Variants in RPS6KA5 observed in about 807,000 individuals in gnomAD.
RPS6KA5 encodes ribosomal protein S6 kinase alpha-5.
Under a neutral mutation model 85.5 loss-of-function variants are expected in RPS6KA5, and 27 were observed. That is an observed-to-expected ratio of 0.32 (90% confidence interval 0.23 to 0.44). The LOEUF is 0.44. RPS6KA5 is among the 20% of genes least tolerant of loss of function. The probability of loss-of-function intolerance (pLI) is 1.00; values close to 1 mark genes in which losing one functional copy is unlikely to be tolerated. For missense variants in RPS6KA5, 811 were observed against 980.9 expected (o/e 0.83, Z 2.31); for synonymous variants, 334 against 348.2 (o/e 0.96, Z 0.46).
intron 7 of RPS6KA5, 145 bp downstream of exon 7, chr14:90,920,061 T>C (rs926074123): frequency 7.3e-6 from 5 of 688,278 alleles, no homozygotes; most frequent in South Asian, 6.3e-5. Flanking sequence ...CTATATGCCA[T>C]ATGATAGAAA....
chr14:90,954,188 T>A (rs1438613961), intron 3 of RPS6KA5, among the ~76,000 whole-genome samples: 2 of 152,230 alleles, frequency 1.3e-5, no homozygotes, highest in African/African-American at 4.8e-5. Context: ...AGAGCCTACA[T>A]TGAAATATTG....
At chr14:90,947,334 C>G (rs2037924172) in intron 4 of RPS6KA5, 101 bp downstream of exon 4, 2 of 681,254 alleles carry the variant, frequency 2.9e-6, no homozygotes, top group Non-Finnish European at 5.2e-6. Context: ...TTCATAATCT[C>G]CACTAAGACA....
At chr14:91,019,779 A>G (rs986249568) in intron 1 of RPS6KA5, among the ~76,000 whole-genome samples, 9 of 152,240 alleles carry the variant, frequency 5.9e-5, no homozygotes, top group Non-Finnish European at 1.2e-4. Context: ...TCAACTTATA[A>G]TGGTGTTATC....
chr14:90,875,092 T>C, intron 15 of RPS6KA5, 109 bp downstream of exon 15: 3 of 1,081,652 alleles, frequency 2.8e-6, no homozygotes, highest in East Asian at 2.4e-5. Context: ...CCTTTTAGAA[T>C]ACACATGGAT....
chr14:90,948,121 C>T (rs571099406), intron 3 of RPS6KA5, among the ~76,000 whole-genome samples: 1 of 152,154 alleles, frequency 6.6e-6, no homozygotes, highest in Non-Finnish European at 1.5e-5. Context: ...TTACCATTTC[C>T]CTGTCAATTT....
intron 7 of RPS6KA5, among the ~76,000 whole-genome samples, chr14:90,913,248 C>T (rs2035930436): frequency 6.6e-6 from 1 of 152,052 alleles, no homozygotes; most frequent in Non-Finnish European, 1.5e-5. Context: ...CTGCCCAGTA[C>T]ACTAACCAGG....
rs2140133360 is a variant in RPS6KA5 at position 90,871,875 on chromosome 14, T to C, written c.*199A>G. On this transcript the variant is annotated 3_prime_UTR_variant, in exon 17 of 17. Transcript: ENST00000614987. ...CATGCTAGGTTGCTAAAAAGAGTAA[T>C]ATGTGCTCTATTCACAGTAACATTC... 1.7e-6 allele frequency: 1 copy of C among 586,318 alleles called. No homozygotes were observed. Among genetic ancestry groups the C allele is most frequent in the East Asian group, 3.0e-5 (1 of 33,594 alleles). The allele number at this position is 586,318 out of a possible 1,614,324, so 36.3% of individuals were successfully genotyped here.
chr14:90,875,907 TG>T (rs1482847916), intron 14 of RPS6KA5, among the ~76,000 whole-genome samples: 2 of 29,728 alleles, frequency 6.7e-5, no homozygotes, highest in Non-Finnish European at 1.3e-4. Context: ...TGTTGTGGGG[TG>T]GGGGGAGGGG....
chr14:90,973,812 G>A (rs995937486), intron 3 of RPS6KA5, among the ~76,000 whole-genome samples: 4 of 151,952 alleles, frequency 2.6e-5, no homozygotes, highest in African/African-American at 7.3e-5. Flanking sequence ...CAAGGCGTGC[G>A]GATCACCTGA....
At chr14:90,899,257 A>G in intron 12 of RPS6KA5, 72 bp downstream of exon 12, 1 of 1,081,054 alleles carries the variant, frequency 9.3e-7, no homozygotes. Context: ...AGCACCAACA[A>G]AACGCGTGAA....
intron 14 of RPS6KA5, among the ~76,000 whole-genome samples, chr14:90,875,739 C>A (rs1354262127): frequency 1.3e-5 from 2 of 151,688 alleles, no homozygotes; most frequent in Non-Finnish European, 2.9e-5. Flanking sequence ...ATGATGAGTT[C>A]ATGTCCTTTG....
chr14:90,904,972 G>C (rs1008214588), intron 8 of RPS6KA5, among the ~76,000 whole-genome samples: 3 of 152,144 alleles, frequency 2.0e-5, no homozygotes, highest in Non-Finnish European at 4.4e-5. Context: ...TAACTTTTGA[G>C]ATAAACTTCT....
intron 3 of RPS6KA5, among the ~76,000 whole-genome samples, chr14:90,950,074 G>T (rs1441248431): frequency 6.6e-6 from 1 of 152,184 alleles, no homozygotes; most frequent in Non-Finnish European, 1.5e-5. Context: ...GAACATGGGG[G>T]ATGGCTTTCC....
intron 5 of RPS6KA5, among the ~76,000 whole-genome samples, chr14:90,927,923 C>CTTTTCT (rs1555363686): frequency 7.4e-6 from 1 of 135,840 alleles, no homozygotes; most frequent in Non-Finnish European, 1.5e-5. Flanking sequence ...TTTTCTCTTT[C>CTTTTCT]TTTCTTTTCT....
intron 5 of RPS6KA5, among the ~76,000 whole-genome samples, chr14:90,937,999 T>C (rs1206711852): frequency 2.0e-5 from 3 of 152,162 alleles, no homozygotes; most frequent in African/African-American, 7.2e-5. Flanking sequence ...CAAAAGTCCA[T>C]ATTCCAAAGT....
rs200357482 is a variant in RPS6KA5, at chr14:90,906,231, C to T, written c.875G>A (p.Arg292His). The T allele has an allele frequency of 3.7e-5, 59 of 1,612,616 alleles. No homozygotes were observed. Among genetic ancestry groups the T allele is most frequent in the East Asian group, 1.8e-4 (8 of 44,868 alleles). ...MSALAKDLIQ[R>H]LLMKDPKKRL... ...CTTCTTGGGATCTTTCATCAAAAGA[C>T]GCTGAATTAGGTCTTTCGCTAAAGC... Residue 292 changes from arginine (R) to histidine (H), a missense_variant, in exon 8 of 17, where the codon CGT becomes CAT. Transcript: ENST00000614987.
intron 1 of RPS6KA5, among the ~76,000 whole-genome samples, chr14:91,014,010 C>T (rs2041373313): frequency 6.6e-6 from 1 of 152,160 alleles, no homozygotes; most frequent in African/African-American, 2.4e-5. Context: ...CAATGATAAT[C>T]CTGGTGACCA....
chr14:90,973,392 G>A (rs945143141), intron 3 of RPS6KA5, among the ~76,000 whole-genome samples: 7 of 151,716 alleles, frequency 4.6e-5, no homozygotes, highest in East Asian at 3.9e-4. Context: ...GCAGTGAGCC[G>A]AGATCAACAT....
chr14:90,854,857 A>G lies in RPS6KA5; in HGVS notation c.*17217T>C, dbSNP rs775581876. On this transcript the variant is annotated 3_prime_UTR_variant, in exon 17 of 17. Transcript: ENST00000614987. ...AGTTACTTCAAAAAATACCTTCAAA[A>G]TGTTTACCATTCAAAACATATAAAA... 1.4e-4 allele frequency: 21 copies of G among 152,192 alleles called. No homozygotes were observed. The highest frequency in any genetic ancestry group is 2.6e-4 in the Non-Finnish European group (18 of 68,016). The allele number at this position is 152,192 out of a possible 1,614,324, so 9.4% of individuals were successfully genotyped here. A position where few individuals can be genotyped will look rare whatever the true frequency, so the allele number is the denominator to read the frequency against.
Sources: gnomAD v4.1 joint callset for allele counts (sites outside exome capture counted in the v4.1 genomes callset) on GRCh38, gnomAD v4.1.1 for gene constraint, MANE v1.5 for transcripts, NCBI Gene and HGNC (gene_info 2026-07-23, HGNC 2026-07-21) for gene names.